THRB: variants seen among roughly 807,000 people sequenced by gnomAD.
THRB encodes the protein thyroid hormone receptor beta, also known as nuclear receptor subfamily 1 group A member 2.
Under a neutral mutation model 47.8 loss-of-function variants are expected in THRB, and 12 were observed. The ratio of observed to expected loss-of-function variants is 0.25; its 90% CI spans 0.16 to 0.41. The LOEUF (loss-of-function observed/expected upper bound fraction) is 0.41, where lower values mean the gene tolerates loss of function less well. THRB is among the 10% of genes least tolerant of loss of function. The pLI is 1.00. For synonymous variants in THRB, 218 were observed against 212.2 expected (o/e 1.03, Z -0.24); for missense variants, 348 against 589.2 (o/e 0.59, Z 4.24).
chr3:24,446,500 T>A (rs529161823), intron 1 of THRB, among the ~76,000 whole-genome samples: 9 of 150,186 alleles, frequency 6.0e-5, no homozygotes, highest in African/African-American at 1.5e-4. Flanking sequence ...TCTGCAAAAG[T>A]GCATTCTGCT....
chr3:24,474,940 T>C (rs1257242900), intron 1 of THRB, among the ~76,000 whole-genome samples: 1 of 152,226 alleles, frequency 6.6e-6, no homozygotes, highest in Non-Finnish European at 1.5e-5. Flanking sequence ...AATGACTTAA[T>C]ATGATGAACT....
chr3:24,399,332 C>A (rs2067222436), intron 1 of THRB, among the ~76,000 whole-genome samples: 1 of 151,726 alleles, frequency 6.6e-6, no homozygotes, highest in South Asian at 2.1e-4. Flanking sequence ...CAAAAGTGAC[C>A]AATTTGAGGT....
chr3:24,407,203 C>T (rs538443160), intron 1 of THRB, among the ~76,000 whole-genome samples: 22 of 151,894 alleles, frequency 1.4e-4, no homozygotes, highest in African/African-American at 4.8e-4. Flanking sequence ...CTCCAGGCCC[C>T]ACCATGCCCT....
intron 7 of THRB, chr3:24,144,750 G>A (rs1163054993): frequency 6.6e-6 from 1 of 152,060 alleles, no homozygotes; most frequent in East Asian, 1.9e-4. Flanking sequence ...TCTTTTCACA[G>A]AAAGAAGAAG....
chr3:24,344,960 T>A (rs2149487767), intron 1 of THRB, among the ~76,000 whole-genome samples: 1 of 152,036 alleles, frequency 6.6e-6, no homozygotes, highest in South Asian at 2.1e-4. Flanking sequence ...AAAAGACCAA[T>A]CCTGAGCAAC....
At chr3:24,269,313 A>ACACG (rs1322955890) in intron 3 of THRB, among the ~76,000 whole-genome samples, 11 of 129,678 alleles carry the variant, frequency 8.5e-5, no homozygotes, top group Non-Finnish European at 1.7e-4. Context: ...ACACACACAC[A>ACACG]CACACACACG....
intron 1 of THRB, among the ~76,000 whole-genome samples, chr3:24,449,749 G>T (rs776773277): frequency 1.3e-5 from 2 of 152,074 alleles, no homozygotes; most frequent in African/African-American, 4.8e-5. Flanking sequence ...CAAAGGAGGC[G>T]ATATAGTGAA....
chr3:24,326,420 G>C (rs2061597587), intron 2 of THRB, among the ~76,000 whole-genome samples: 1 of 152,044 alleles, frequency 6.6e-6, no homozygotes, highest in South Asian at 2.1e-4. Flanking sequence ...ATTTGTAGTA[G>C]AGATGGGGTT....
At chr3:24,208,141 G>A (rs2045602132) in intron 4 of THRB, among the ~76,000 whole-genome samples, 1 of 151,828 alleles carries the variant, frequency 6.6e-6, no homozygotes, top group African/African-American at 2.4e-5. Flanking sequence ...ACTTACAAGG[G>A]ATGTGAAGGA....
At chr3:24,315,906 G>A (rs2058081947) in intron 2 of THRB, among the ~76,000 whole-genome samples, 1 of 152,188 alleles carries the variant, frequency 6.6e-6, no homozygotes, top group African/African-American at 2.4e-5. Context: ...TGGGTTCAAA[G>A]CCATTATGAT....
chr3:24,261,520 C>CAAAAA lies in THRB; in HGVS notation c.-42-32524_-42-32520dup, dbSNP rs1207008580. On this transcript the variant is annotated intron_variant, in intron 3 of 10. Transcript: ENST00000646209. ...CTCAAAAAAAAAAAAAAAAAAAAAC[C>CAAAAA]AAAAAAAACTCTCTAGATCCCACTA... Among the ~76,000 whole-genome samples, 187 of 119,540 alleles carry CAAAAA rather than the reference C, an allele frequency of 1.6e-3. 2 individuals are homozygous for CAAAAA. Among genetic ancestry groups the CAAAAA allele is most frequent in the African/African-American group, 7.3e-3 (181 of 24,814 alleles). 78.4% of individuals were successfully genotyped at this position (119,540 alleles called of 152,430 possible).
At chr3:24,261,487 G>A (rs1458353082) in intron 3 of THRB, among the ~76,000 whole-genome samples, 2 of 113,894 alleles carry the variant, frequency 1.8e-5, no homozygotes, top group African/African-American at 7.0e-5. Context: ...AACAGAGCGC[G>A]ATTCTGTCTC....
At chr3:24,245,747 T>C (rs2050048319) in intron 3 of THRB, among the ~76,000 whole-genome samples, 1 of 152,064 alleles carries the variant, frequency 6.6e-6, no homozygotes, top group Non-Finnish European at 1.5e-5. Flanking sequence ...ACCCCATCTC[T>C]ACTAAAAATA....
chr3:24,339,132 T>C (rs1318643139), intron 1 of THRB, among the ~76,000 whole-genome samples: 1 of 152,206 alleles, frequency 6.6e-6, no homozygotes, highest in East Asian at 1.9e-4. Flanking sequence ...AAACTATATA[T>C]ATATAGATAT....
chr3:24,234,413 G>A (rs1374415481), intron 3 of THRB, among the ~76,000 whole-genome samples: 1 of 136,622 alleles, frequency 7.3e-6, no homozygotes, highest in Non-Finnish European at 1.5e-5. Flanking sequence ...GGAGACACAA[G>A]AGCTATTTTT....
At chr3:24,249,386 T>C (rs2050428687) in intron 3 of THRB, among the ~76,000 whole-genome samples, 1 of 152,200 alleles carries the variant, frequency 6.6e-6, no homozygotes, top group Non-Finnish European at 1.5e-5. Flanking sequence ...CTTCTAATAC[T>C]TTAAGGTGAT....
At chr3:24,438,780 A>G (rs2071242490) in intron 1 of THRB, among the ~76,000 whole-genome samples, 1 of 152,024 alleles carries the variant, frequency 6.6e-6, no homozygotes, top group Non-Finnish European at 1.5e-5. Flanking sequence ...TCGGTAAGAG[A>G]GTAGATGAGA....
At chr3:24,150,793 C>T (rs6797410) in intron 6 of THRB, among the ~76,000 whole-genome samples, 47,525 of 151,942 alleles carry the variant, frequency 0.31, 7,766 homozygotes, top group South Asian at 0.38. Flanking sequence ...TCCCATTATG[C>T]GCCGATTTAG....
intron 1 of THRB, among the ~76,000 whole-genome samples, chr3:24,340,055 T>G (rs1390011266): frequency 6.6e-6 from 1 of 152,232 alleles, no homozygotes; most frequent in Admixed American, 6.5e-5. Flanking sequence ...GAGGTGAGGT[T>G]GGCACTATTT....
Sources: allele counts gnomAD v4.1 joint callset (sites outside exome capture counted in the v4.1 genomes callset), GRCh38; gene constraint gnomAD v4.1.1; transcripts MANE v1.5; gene names NCBI Gene and HGNC (gene_info 2026-07-23, HGNC 2026-07-21).